The following UIMC1 variants were observed in gnomAD, a reference collection of about 807,000 sequenced individuals.
UIMC1 encodes ubiquitin interaction motif containing 1, also known as BRCA1-A complex subunit RAP80.
In UIMC1, 42 loss-of-function variants were observed where a neutral mutation model predicts 84.9. The observed-to-expected ratio is 0.49, with a 90% CI of 0.39 to 0.64. The LOEUF (loss-of-function observed/expected upper bound fraction) is 0.64, where lower values mean the gene tolerates loss of function less well. Ranked by LOEUF, UIMC1 falls within the 30% of genes least tolerant of loss-of-function variation. The pLI, the probability that UIMC1 is intolerant of heterozygous loss-of-function variation, is 0.00. For missense variants in UIMC1, 825 were observed against 847.6 expected, an observed-to-expected ratio of 0.97 and a Z score of 0.33; for synonymous variants, 281 against 293.0, an observed-to-expected ratio of 0.96 and a Z score of 0.42.
At chr5:176,986,825 A>T (rs1483932004) in intron 1 of UIMC1, among the ~76,000 whole-genome samples, 2 of 152,172 alleles carry the variant, frequency 1.3e-5, no homozygotes, top group Non-Finnish European at 2.9e-5. Flanking sequence ...CAGAACAATT[A>T]AGCAAAGAGA....
chr5:176,908,705 A>C lies in UIMC1; in HGVS notation c.1677-11T>G. On this transcript the variant is annotated splice_polypyrimidine_tract_variant and intron_variant, in intron 11 of 14. Coordinates refer to ENST00000511320, the MANE Select transcript of UIMC1 (RefSeq NM_001199298.2). ...TAACACTTCTCATTCCTATCCAATA[A>C]GAAAAAAGGAAGAAAACACAGTTTT... The C allele has an allele frequency of 1.9e-6, 3 of 1,606,244 alleles. No individual in the cohort carries two copies. Among genetic ancestry groups the C allele is most frequent in the Non-Finnish European group, 2.6e-6 (3 of 1,175,342 alleles).
At chr5:176,980,495 G>A (rs1770868857) in intron 2 of UIMC1, among the ~76,000 whole-genome samples, 1 of 151,826 alleles carries the variant, frequency 6.6e-6, no homozygotes, top group Non-Finnish European at 1.5e-5. Context: ...TTTTTTCCGA[G>A]GACACAGAAG....
At chr5:176,970,306 C>T (rs1047787155) in intron 4 of UIMC1, 4 of 187,700 alleles carry the variant, frequency 2.1e-5, no homozygotes, top group African/African-American at 7.3e-5. Context: ...TTCAGTTGTG[C>T]ATATTCAAAT....
intron 10 of UIMC1, among the ~76,000 whole-genome samples, chr5:176,918,911 A>C (rs999726878): frequency 1.3e-5 from 2 of 152,156 alleles, no homozygotes; most frequent in African/African-American, 4.8e-5. Context: ...CAACGTGCTG[A>C]CTGGCCTCAC....
At chr5:176,909,284 T>C (rs1759804003) in intron 11 of UIMC1, among the ~76,000 whole-genome samples, 1 of 152,192 alleles carries the variant, frequency 6.6e-6, no homozygotes, top group Non-Finnish European at 1.5e-5. Flanking sequence ...AAGAGCAGAG[T>C]TTGGGTAAAG....
In UIMC1 at chr5:176,956,669, T is replaced by C. The variant is rs142287183; in HGVS notation, c.1263-634A>G. Reference sequence around the variant, plus strand: ...CATGGAGTGCAATCTCTTCCTGACATAGGAATACATGGCTGATCTGAGCAT... The same window carrying C: ...CATGGAGTGCAATCTCTTCCTGACACAGGAATACATGGCTGATCTGAGCAT... On this transcript the variant is annotated intron_variant, in intron 7 of 14. Coordinates refer to ENST00000511320, the MANE Select transcript of UIMC1 (RefSeq NM_001199298.2). Among the ~76,000 whole-genome samples, 399 of 152,052 alleles carry C rather than the reference T, an allele frequency of 2.6e-3. 6 individuals are homozygous for C. Among genetic ancestry groups the C allele is most frequent in the Admixed American group, 0.019 (296 of 15,248 alleles).
intron 1 of UIMC1, among the ~76,000 whole-genome samples, chr5:177,014,527 G>A (rs1359879426): frequency 1.3e-5 from 2 of 152,084 alleles, no homozygotes; most frequent in Non-Finnish European, 2.9e-5. Flanking sequence ...ACTTGGGGTG[G>A]AAGTTGAATG....
chr5:176,978,311 T>C (rs1264520780), intron 2 of UIMC1, among the ~76,000 whole-genome samples: 2 of 151,976 alleles, frequency 1.3e-5, no homozygotes, highest in East Asian at 3.9e-4. Flanking sequence ...AGGCGGAGCT[T>C]GCAGTGAGCA....
intron 1 of UIMC1, among the ~76,000 whole-genome samples, chr5:177,000,780 C>T (rs1774334457): frequency 6.6e-6 from 1 of 151,978 alleles, no homozygotes; most frequent in Non-Finnish European, 1.5e-5. Context: ...GATTACAAGC[C>T]TGAGCTACCG....
Position 176,969,413 on chromosome 5 carries a change from C to T in UIMC1, c.464-122G>A, listed in dbSNP as rs1002255917. The T allele has an allele frequency of 7.7e-6, 11 of 1,429,558 alleles. No homozygotes were observed. In the Admixed American group the frequency reaches 2.5e-4, roughly 33 times the overall value. The allele number at this position is 1,429,558 out of a possible 1,614,324, so 88.6% of individuals were successfully genotyped here. A position where few individuals can be genotyped will look rare whatever the true frequency, so the allele number is the denominator to read the frequency against. On this transcript the variant is annotated intron_variant, in intron 5 of 14. Transcript: ENST00000511320. ...AGAAAGGCTCTTCTTTGGGTTTAACCAAATGTTGGTTTTTCCTTGGAGATA... is the reference window on the plus strand; with the variant it reads ...AGAAAGGCTCTTCTTTGGGTTTAACTAAATGTTGGTTTTTCCTTGGAGATA...
intron 1 of UIMC1, among the ~76,000 whole-genome samples, chr5:177,005,918 C>A (rs562938406): frequency 1.2e-4 from 18 of 152,282 alleles, no homozygotes; most frequent in Admixed American, 7.2e-4. Flanking sequence ...GCTCGAGAAG[C>A]CTGCGGCGCT....
intron 1 of UIMC1, among the ~76,000 whole-genome samples, chr5:177,021,210 G>A (rs997949313): frequency 6.6e-6 from 1 of 152,088 alleles, no homozygotes; most frequent in African/African-American, 2.4e-5. Context: ...CCCGGGAGAC[G>A]GAAGCTGCAG....
intron 3 of UIMC1, among the ~76,000 whole-genome samples, chr5:176,974,528 A>G (rs1157113122): frequency 6.6e-6 from 1 of 152,186 alleles, no homozygotes; most frequent in African/African-American, 2.4e-5. Flanking sequence ...AAAAGAGAAA[A>G]AAATGGACCA....
intron 3 of UIMC1, among the ~76,000 whole-genome samples, chr5:176,971,991 A>G (rs1281714555): frequency 3.9e-5 from 6 of 152,244 alleles, no homozygotes; most frequent in African/African-American, 1.2e-4. Flanking sequence ...ACTGTTGAAG[A>G]ATGTCAGTGA....
chr5:176,936,661 A>G (rs578108466), intron 10 of UIMC1, among the ~76,000 whole-genome samples: 4 of 152,218 alleles, frequency 2.6e-5, no homozygotes, highest in African/African-American at 9.6e-5. Context: ...ACTCTAATCC[A>G]GCCACATTCA....
rs138549370 is a variant in UIMC1 at position 176,908,629 on chromosome 5, G to C, written c.1742C>G (p.Ser581Cys). ...PFREYQCHVD[S>C]CLQLAKADQG... is the part of the protein sequence containing the mutation. ...GTCAGCCTTTGCAAGCTGGAGACAGGAGTCCACATGACACTGATACTCTCT... is the reference window on the plus strand; with the variant it reads ...GTCAGCCTTTGCAAGCTGGAGACAGCAGTCCACATGACACTGATACTCTCT... Residue 581 changes from serine (S) to cysteine (C), a missense_variant, in exon 12 of 15, where the codon TCC (serine) becomes TGC (cysteine). Transcript: ENST00000511320. 1.1e-4 allele frequency: 185 copies of C among 1,614,052 alleles called. No homozygotes were observed. The highest frequency in any genetic ancestry group is 1.5e-4 in the Non-Finnish European group (178 of 1,180,012).
chr5:177,015,409 AGATATGAC>A (rs1775649069), intron 1 of UIMC1, among the ~76,000 whole-genome samples: 2 of 152,166 alleles, frequency 1.3e-5, no homozygotes, highest in South Asian at 4.1e-4. Flanking sequence ...TCAGGGTTCA[AGATATGAC>A]GGCTATCTGT....
At chr5:176,921,160 C>A (rs1017783106) in intron 10 of UIMC1, among the ~76,000 whole-genome samples, 2 of 152,206 alleles carry the variant, frequency 1.3e-5, no homozygotes, top group Admixed American at 6.5e-5. Flanking sequence ...CACTCTTCCA[C>A]CACCAAAAGT....
At chr5:177,017,426 T>C (rs1416370489) in intron 1 of UIMC1, among the ~76,000 whole-genome samples, 1 of 152,174 alleles carries the variant, frequency 6.6e-6, no homozygotes, top group East Asian at 1.9e-4. Context: ...TTGCTCTTCT[T>C]GCCCAGGCTG....
Sources: gnomAD v4.1 joint callset for allele counts (sites outside exome capture counted in the v4.1 genomes callset) on GRCh38, gnomAD v4.1.1 for gene constraint, MANE v1.5 for transcripts, NCBI Gene and HGNC (gene_info 2026-07-23, HGNC 2026-07-21) for gene names.